MMP19: variants seen among roughly 807,000 people sequenced by gnomAD.
MMP19 encodes the protein matrix metallopeptidase 19, also known as matrix metalloproteinase-19.
In MMP19, 47 loss-of-function variants were observed where a neutral mutation model predicts 46.6. The ratio of observed to expected loss-of-function variants is 1.01; its 90% CI spans 0.80 to 1.29. The LOEUF is 1.29. MMP19 is among the 50% of genes most tolerant of loss of function. MMP19 has a pLI of 0.00. For missense variants in MMP19, 589 were observed against 643.5 expected, an observed-to-expected ratio of 0.92 and a Z score of 0.92; for synonymous variants, 222 against 248.5, an observed-to-expected ratio of 0.89 and a Z score of 1.00.
Position 55,837,851 on chromosome 12 carries a change from A to T in MMP19, c.1052T>A (p.Phe351Tyr). The change falls in exon 7 of 9, where the codon TTC (phenylalanine) becomes TAC (tyrosine). Residue 351 changes from phenylalanine (F) to tyrosine (Y), a missense_variant. By Grantham distance (22) the Phe-to-Tyr change is conservative. Coordinates refer to ENST00000322569, the MANE Select transcript of MMP19 (RefSeq NM_002429.6). Reference sequence around the variant, plus strand: ...GTAACTAGCCTCCTTACCCTTAAAGAAGTGAATCCATTGTGTTCGAGGCGA... The same window carrying T: ...GTAACTAGCCTCCTTACCCTTAAAGTAGTGAATCCATTGTGTTCGAGGCGA... ...VYSPRTQWIH[F>Y]FKGDKVWRYI... The T allele has an allele frequency of 6.2e-7, 1 of 1,604,964 alleles. No individual in the cohort carries two copies. Among genetic ancestry groups the T allele is most frequent in the Non-Finnish European group, 8.5e-7 (1 of 1,172,760 alleles).
At position 55,837,831 on chromosome 12, in the gene MMP19, T is replaced by C; in HGVS notation, c.1060+12A>G. The C allele has an allele frequency of 6.3e-7, 1 of 1,598,430 alleles. No individual in the cohort carries two copies. The highest frequency in any genetic ancestry group is 8.6e-7 in the Non-Finnish European group (1 of 1,168,734). Reference sequence around the variant, plus strand: ...CCCTCCTCAAGTAAGACACTGTAACTAGCCTCCTTACCCTTAAAGAAGTGA... The same window carrying C: ...CCCTCCTCAAGTAAGACACTGTAACCAGCCTCCTTACCCTTAAAGAAGTGA... On this transcript the variant is annotated intron_variant, in intron 7 of 8. Transcript: ENST00000322569.
In MMP19 at chr12:55,837,247, C is replaced by A; in HGVS notation, c.1316G>T (p.Arg439Leu). 1.9e-6 allele frequency: 3 copies of A among 1,614,212 alleles called. 1 individual carries two copies. In the South Asian group the frequency reaches 3.3e-5, roughly 18 times the overall value. ...GACTTTGCCCTTGAAGAAGTAGACT[C>A]GGCCATCTTGCCAACTCATAGCAGC... ...PSAAMSWQDG[R>L]VYFFKGKVYW... Residue 439 changes from arginine to leucine, a missense_variant, in exon 9 of 9, where the codon CGA becomes CTA. By Grantham distance (102) the Arg-to-Leu change is moderately radical. Transcript: ENST00000322569.
chr12:55,842,435 A>C lies in MMP19; in HGVS notation c.91T>G (p.Tyr31Asp). 6.2e-7 allele frequency: 1 copy of C among 1,610,886 alleles called. No individual in the cohort carries two copies. Among genetic ancestry groups the C allele is most frequent in the Non-Finnish European group, 8.5e-7 (1 of 1,177,338 alleles). ...LGLAEVAPVD[Y>D]LSQYGYLQKP... ...TGTAGGTACCCATATTGTGACAGGT[A>C]GTCCTATGATGGGAGTGGAGGTAAG... Residue 31 changes from tyrosine (Y) to aspartate (D), a missense_variant, in exon 2 of 9, where the codon TAC becomes GAC. Transcript: ENST00000322569.
At chr12:55,839,770 G>A (rs969347989) in intron 4 of MMP19, 29 bp from the exon 5 acceptor site, 4 of 1,594,834 alleles carry the variant, frequency 2.5e-6, no homozygotes, top group South Asian at 1.1e-5. Flanking sequence ...GAACAGGAAG[G>A]AGGTCAGAGC....
rs1226833543 is a variant in MMP19 at position 55,839,707 on chromosome 12, C to T, written c.555G>A (p.Leu185=). The part of the protein sequence containing the change: ...RVLAHADIPE[L]GSVHFDEDEF... ...CGTCTTCGTCGAAGTGCACACTGCC[C>T]AGCTCTGGGATGTCGGCATGGGCCA... The change falls in exon 5 of 9, where the codon CTG becomes CTA. Residue 185 remains leucine, a synonymous_variant. Transcript: ENST00000322569. The T allele has an allele frequency of 6.2e-7, 1 of 1,613,838 alleles. No homozygotes were observed. Among genetic ancestry groups the T allele is most frequent in the Non-Finnish European group, 8.5e-7 (1 of 1,179,890 alleles).
chr12:55,838,009 T>C lies in MMP19; in HGVS notation c.896-2A>G, dbSNP rs982274764. On this transcript the variant is annotated splice_acceptor_variant, in intron 6 of 8. Transcript: ENST00000322569. LOFTEE classifies it high-confidence loss of function. ...AAGCATAGGTCTTCCCACGGGGCCCTGAGCGTAATGGTGTGTCAACAAGTC... is the reference window on the plus strand; with the variant it reads ...AAGCATAGGTCTTCCCACGGGGCCCCGAGCGTAATGGTGTGTCAACAAGTC... 1.9e-6 allele frequency: 3 copies of C among 1,576,242 alleles called. No homozygotes were observed. The highest frequency in any genetic ancestry group is 2.7e-5 in the African/African-American group (2 of 73,940).
rs1881153976 is a variant in MMP19 at position 55,835,564 on chromosome 12, A to C, written c.*1472T>G. 6.6e-6 allele frequency: 1 copy of C among 152,082 alleles called. No individual in the cohort carries two copies. The highest frequency in any genetic ancestry group is 1.5e-5 in the Non-Finnish European group (1 of 68,068). 9.4% of individuals were successfully genotyped at this position (152,082 alleles called of 1,614,324 possible). On this transcript the variant is annotated 3_prime_UTR_variant, in exon 9 of 9. Transcript: ENST00000322569. ...AAAGTGCTAGGATTATAGCCACCGC[A>C]CCTCGTCTTGAAATAGCCTTTTAAA...
In MMP19 at chr12:55,838,008, CT is replaced by C. The variant is rs771625145; in HGVS notation, c.896-2del. On this transcript the variant is annotated splice_acceptor_variant, in intron 6 of 8. Coordinates refer to ENST00000322569, the MANE Select transcript of MMP19 (RefSeq NM_002429.6). LOFTEE classifies it high-confidence loss of function. ...AAAGCATAGGTCTTCCCACGGGGCC[CT>C]GAGCGTAATGGTGTGTCAACAAGTC... is the stretch of plus-strand genomic sequence containing the variant. 1.3e-6 allele frequency: 2 copies of C among 1,578,208 alleles called. No homozygotes were observed. Among genetic ancestry groups the C allele is most frequent in the African/African-American group, 2.7e-5 (2 of 73,970 alleles).
intron 6 of MMP19, 61 bp downstream of exon 6, chr12:55,838,545 G>T (rs776453257): frequency 6.2e-7 from 1 of 1,613,352 alleles, no homozygotes; most frequent in African/African-American, 1.3e-5. Context: ...ATTTGTCCAG[G>T]CCTCAGGATC....
At chr12:55,838,411 C>T in intron 6 of MMP19, 195 bp downstream of exon 6, 2 of 1,333,588 alleles carry the variant, frequency 1.5e-6, no homozygotes, top group Non-Finnish European at 1.1e-6. Context: ...TTGGTAAGTG[C>T]CTGCCTAAGC....
rs1881199903 is a variant in MMP19, at chr12:55,836,214, G to A, written c.*822C>T. Reference sequence around the variant, plus strand: ...ACAATGGGAGGGAGGGAGAACATGGGAGCATGTGAATAAAATGGCATTAAA... The same window carrying A: ...ACAATGGGAGGGAGGGAGAACATGGAAGCATGTGAATAAAATGGCATTAAA... On this transcript the variant is annotated 3_prime_UTR_variant, in exon 9 of 9. Coordinates refer to ENST00000322569, the MANE Select transcript of MMP19 (RefSeq NM_002429.6). The A allele has an allele frequency of 6.6e-6, 1 of 152,200 alleles. No homozygotes were observed. Among genetic ancestry groups the A allele is most frequent in the Non-Finnish European group, 1.5e-5 (1 of 68,042 alleles). The allele number at this position is 152,200 out of a possible 1,614,324, so 9.4% of individuals were successfully genotyped here.
chr12:55,837,115 C>G lies in MMP19; in HGVS notation c.1448G>C (p.Gly483Ala), dbSNP rs952823154. 6.2e-7 allele frequency: 1 copy of G among 1,613,152 alleles called. No homozygotes were observed. The highest frequency in any genetic ancestry group is 8.5e-7 in the Non-Finnish European group (1 of 1,179,540). Reference protein sequence around the residue: ...RPRTIDTTPSGGNTTPSGTGI... With the variant: ...RPRTIDTTPSAGNTTPSGTGI... ...CGTACCTGAGGGAGTGGTATTCCCA[C>G]CTGATGGGGTAGTGTCTATAGTCCG... Residue 483 changes from glycine to alanine, a missense_variant, in exon 9 of 9, where the codon GGT (glycine) becomes GCT (alanine). Physicochemically the swap from Gly to Ala is moderately conservative, Grantham distance 60. Transcript: ENST00000322569.
intron 4 of MMP19, 24 bp from the exon 5 acceptor site, chr12:55,839,765 G>C (rs1316056459): frequency 1.7e-5 from 27 of 1,598,420 alleles, no homozygotes; most frequent in East Asian, 2.3e-5. Flanking sequence ...AAGGTGAACA[G>C]GAAGGAGGTC....
At position 55,842,928 on chromosome 12, in the gene MMP19, C is replaced by T; in HGVS notation, c.-98G>A. The T allele has an allele frequency of 1.1e-6, 1 of 908,266 alleles. No individual in the cohort carries two copies. The highest frequency in any genetic ancestry group is 1.4e-5 in the South Asian group (1 of 69,366). 56.3% of individuals were successfully genotyped at this position (908,266 alleles called of 1,614,324 possible). On this transcript the variant is annotated 5_prime_UTR_variant, in exon 1 of 9. Transcript: ENST00000322569. ...AGTGCTAGGCAGAGGGGCTCTTACC[C>T]CCAGTTCTTTTTACTCTCCAGCCTC...
At chr12:55,838,475 T>A (rs762482339) in intron 6 of MMP19, 131 bp downstream of exon 6, 1 of 1,599,450 alleles carries the variant, frequency 6.3e-7, no homozygotes, top group Non-Finnish European at 8.5e-7. Context: ...TCTCCTTCCA[T>A]GGTCATTAAT....
intron 2 of MMP19, 60 bp from the exon 3 acceptor site, chr12:55,841,296 G>T (rs1290011998): frequency 1.8e-5 from 28 of 1,576,556 alleles, no homozygotes; most frequent in Non-Finnish European, 2.1e-5. Context: ...ACTGGGAGAT[G>T]ATTGCTCTTT....
rs1009762286 is a variant in MMP19 at position 55,841,193 on chromosome 12, C to G, written c.217G>C (p.Asp73His). ...CTCATGCGGGCCCTTGTGGCATCATCCAGCTGACCTGAGACTGGAAGTTCA... is the reference window on the plus strand; with the variant it reads ...CTCATGCGGGCCCTTGTGGCATCATGCAGCTGACCTGAGACTGGAAGTTCA... ...ASELPVSGQL[D>H]DATRARMRQP... is the part of the protein sequence containing the mutation. The change falls in exon 3 of 9, where the codon GAT (aspartate) becomes CAT (histidine). Residue 73 changes from aspartate to histidine, a missense_variant. By Grantham distance (81) the Asp-to-His change is moderately conservative (BLOSUM62 -1). Transcript: ENST00000322569. 6.2e-7 allele frequency: 1 copy of G among 1,613,928 alleles called. No individual in the cohort carries two copies. The highest frequency in any genetic ancestry group is 8.5e-7 in the Non-Finnish European group (1 of 1,179,978).
At position 55,839,575 on chromosome 12, in the gene MMP19, G is replaced by C; in HGVS notation, c.687C>G (p.Leu229=). Reference sequence around the variant, plus strand: ...GGTAGCCCTCGTAGACTGGGGCCATGAGGGCCTGGGAATATCGGGAGTGCC... The same window carrying C: ...GGTAGCCCTCGTAGACTGGGGCCATCAGGGCCTGGGAATATCGGGAGTGCC... ...GLGHSRYSQA[L]MAPVYEGYRP... Residue 229 remains leucine (L), a synonymous_variant, in exon 5 of 9, where the codon CTC becomes CTG. Transcript: ENST00000322569. The C allele has an allele frequency of 1.2e-6, 2 of 1,614,216 alleles. No individual in the cohort carries two copies. Among genetic ancestry groups the C allele is most frequent in the Non-Finnish European group, 1.7e-6 (2 of 1,180,044 alleles).
In MMP19 at chr12:55,842,874, C is replaced by T; in HGVS notation, c.-44G>A. 2 of 1,498,534 alleles carry T rather than the reference C, an allele frequency of 1.3e-6. No homozygotes were observed. The highest frequency in any genetic ancestry group is 1.8e-6 in the Non-Finnish European group (2 of 1,098,138). 92.8% of individuals were successfully genotyped at this position (1,498,534 alleles called of 1,614,324 possible). On this transcript the variant is annotated 5_prime_UTR_variant, in exon 1 of 9. Transcript: ENST00000322569. ...CTCCAGAGGCTGTCCGTGCCTCTGACCTGAGATTTCTGGGAGCCTTGGGGG... is the reference window on the plus strand; with the variant it reads ...CTCCAGAGGCTGTCCGTGCCTCTGATCTGAGATTTCTGGGAGCCTTGGGGG...
Sources: allele counts gnomAD v4.1 joint callset, GRCh38; gene constraint gnomAD v4.1.1; transcripts MANE v1.5; gene names NCBI Gene and HGNC (gene_info 2026-07-23, HGNC 2026-07-21).